Variants in BMAL1 observed in about 807,000 individuals in gnomAD.
BMAL1 encodes basic helix-loop-helix ARNT-like protein 1.
the BMAL1 span, among the ~76,000 whole-genome samples, chr11:13,305,748 A>G: frequency 6.6e-6 from 1 of 152,148 alleles, no homozygotes. Flanking sequence ...TGTAGATGCC[A>G]CTTGCACTTT....
the BMAL1 span, among the ~76,000 whole-genome samples, chr11:13,279,529 G>A: frequency 6.6e-6 from 1 of 152,150 alleles, no homozygotes; most frequent in Non-Finnish European, 1.5e-5. Flanking sequence ...AATAATCATT[G>A]CTGCTCCTGA....
At chr11:13,316,158 G>A in the BMAL1 span, among the ~76,000 whole-genome samples, 288 of 152,316 alleles carry the variant, frequency 1.9e-3, no homozygotes, top group Non-Finnish European at 3.5e-3. Flanking sequence ...CTCTGAGGAT[G>A]ACTGCCCATG....
the BMAL1 span, among the ~76,000 whole-genome samples, chr11:13,316,265 A>AACATG: frequency 6.6e-6 from 1 of 152,164 alleles, no homozygotes; most frequent in African/African-American, 2.4e-5. Flanking sequence ...AGGCTGAGGG[A>AACATG]GAGCCTGAGG....
At chr11:13,347,482 G>A in the BMAL1 span, among the ~76,000 whole-genome samples, 4 of 152,036 alleles carry the variant, frequency 2.6e-5, no homozygotes, top group South Asian at 8.3e-4. Flanking sequence ...TTGAGTATTG[G>A]GAAAATTGAT....
the BMAL1 span, chr11:13,378,513 G>C: frequency 6.4e-7 from 1 of 1,550,932 alleles, no homozygotes; most frequent in Non-Finnish European, 8.7e-7. Flanking sequence ...TTTTCCCCCA[G>C]GCAATATTTT....
chr11:13,386,753 G>A, the BMAL1 span: 2 of 1,613,912 alleles, frequency 1.2e-6, no homozygotes, highest in Admixed American at 3.3e-5. Context: ...CATGGCCGCT[G>A]TAAACACTAC....
the BMAL1 span, among the ~76,000 whole-genome samples, chr11:13,332,299 G>A: frequency 6.6e-6 from 1 of 152,180 alleles, no homozygotes; most frequent in Non-Finnish European, 1.5e-5. Context: ...GGTGCCAGGT[G>A]TTGTCAGATA....
the BMAL1 span, among the ~76,000 whole-genome samples, chr11:13,351,090 A>T: frequency 6.6e-6 from 1 of 152,168 alleles, no homozygotes; most frequent in Non-Finnish European, 1.5e-5. Flanking sequence ...TCACATTTTG[A>T]TAAGGGCTAA....
chr11:13,305,551 G>A, the BMAL1 span, among the ~76,000 whole-genome samples: 2 of 152,132 alleles, frequency 1.3e-5, no homozygotes, highest in Non-Finnish European at 2.9e-5. Context: ...TTGCAAATAG[G>A]GATTGTTTCA....
At chr11:13,303,601 G>T in the BMAL1 span, among the ~76,000 whole-genome samples, 1 of 152,190 alleles carries the variant, frequency 6.6e-6, no homozygotes, top group Non-Finnish European at 1.5e-5. Flanking sequence ...TGGTTAGCAG[G>T]CAGCCTTCCT....
At chr11:13,283,857 T>G in the BMAL1 span, among the ~76,000 whole-genome samples, 1 of 152,024 alleles carries the variant, frequency 6.6e-6, no homozygotes, top group South Asian at 2.1e-4. Context: ...TCTGCAGCAT[T>G]GCTCTGACCC....
chr11:13,382,394 T>A, the BMAL1 span, among the ~76,000 whole-genome samples: 2,401 of 152,238 alleles, frequency 0.016, 62 homozygotes, highest in African/African-American at 0.055. Flanking sequence ...CTAATAATGG[T>A]TAGGGTAGCC....
chr11:13,295,608 A>G, the BMAL1 span, among the ~76,000 whole-genome samples: 4 of 152,200 alleles, frequency 2.6e-5, no homozygotes, highest in Non-Finnish European at 4.4e-5. Context: ...AGATGGAGAT[A>G]GCAAAAGTTG....
the BMAL1 span, among the ~76,000 whole-genome samples, chr11:13,302,582 G>A: frequency 6.6e-6 from 1 of 152,226 alleles, no homozygotes; most frequent in African/African-American, 2.4e-5. Flanking sequence ...TGTGGGCTCT[G>A]TGTGTGGTTT....
At chr11:13,354,699 G>A in the BMAL1 span, 5 of 459,930 alleles carry the variant, frequency 1.1e-5, no homozygotes, top group South Asian at 2.5e-5. Context: ...CAGAGAAAAA[G>A]AACAGCCTTA....
the BMAL1 span, chr11:13,378,311 C>G: frequency 6.4e-7 from 1 of 1,573,744 alleles, no homozygotes; most frequent in Non-Finnish European, 8.6e-7. Flanking sequence ...TTTCCCCTTT[C>G]CTACTCTCAG....
the BMAL1 span, chr11:13,372,099 C>A: frequency 1.9e-6 from 3 of 1,588,716 alleles, no homozygotes; most frequent in African/African-American, 4.1e-5. Context: ...ATCCCACCAT[C>A]GGCCGTGTAC....
the BMAL1 span, among the ~76,000 whole-genome samples, chr11:13,297,666 G>A: frequency 1.5e-3 from 225 of 152,330 alleles, no homozygotes; most frequent in African/African-American, 5.1e-3. Context: ...CCTTTCCCAA[G>A]TGTGCTAGGC....
At chr11:13,301,805 A>G in the BMAL1 span, among the ~76,000 whole-genome samples, 1 of 152,236 alleles carries the variant, frequency 6.6e-6, no homozygotes, top group Non-Finnish European at 1.5e-5. Context: ...CACTTAATCC[A>G]TGCAATGAAC....
Sources: gnomAD v4.1 joint callset for allele counts (sites outside exome capture counted in the v4.1 genomes callset) on GRCh38, gnomAD v4.1.1 for gene constraint, MANE v1.5 for transcripts, NCBI Gene and HGNC (gene_info 2026-07-23, HGNC 2026-07-21) for gene names.